Variants in ADGRL2 observed in about 807,000 individuals in gnomAD.
ADGRL2 encodes the protein adhesion G protein-coupled receptor L2.
In ADGRL2, 44 loss-of-function variants were observed where a neutral mutation model predicts 157.4. The observed-to-expected ratio is 0.28, with a 90% CI of 0.22 to 0.36. ADGRL2 has a LOEUF of 0.36. Ranked by LOEUF, ADGRL2 falls within the 10% of genes least tolerant of loss-of-function variation. ADGRL2 has a pLI of 1.00. For missense variants in ADGRL2, 1,510 were observed against 1,768.9 expected (o/e 0.85, Z 2.63); for synonymous variants, 585 against 624.7 (o/e 0.94, Z 0.95).
At chr1:81,981,625 G>C (rs990816457) in intron 18 of ADGRL2, among the ~76,000 whole-genome samples, 183 bp from the exon 19 acceptor site, 5 of 151,918 alleles carry the variant, frequency 3.3e-5, no homozygotes, top group Non-Finnish European at 5.9e-5. Flanking sequence ...GTTTTCACTG[G>C]AGGCTGCAGT....
intron 2 of ADGRL2, among the ~76,000 whole-genome samples, chr1:81,551,749 C>T (rs1036303335): frequency 6.6e-6 from 1 of 152,158 alleles, no homozygotes; most frequent in Admixed American, 6.5e-5. Flanking sequence ...TTGAGTATGA[C>T]TACCTCCTTT....
intron 1 of ADGRL2, among the ~76,000 whole-genome samples, chr1:81,808,871 A>G (rs921741821): frequency 1.3e-5 from 2 of 152,036 alleles, no homozygotes; most frequent in African/African-American, 2.4e-5. Flanking sequence ...AACAAGCACA[A>G]CCGCTACTCA....
intron 2 of ADGRL2, among the ~76,000 whole-genome samples, chr1:81,877,534 A>G (rs184650572): frequency 1.4e-3 from 220 of 152,246 alleles, no homozygotes; most frequent in Middle Eastern, 3.4e-3. Flanking sequence ...GAGGTTCTGG[A>G]GATATTCCAA....
intron 1 of ADGRL2, among the ~76,000 whole-genome samples, chr1:81,385,731 A>G (rs1175177964): frequency 6.6e-6 from 1 of 152,182 alleles, no homozygotes; most frequent in African/African-American, 2.4e-5. Context: ...ACTATGTGCT[A>G]TATTTCATTA....
At chr1:81,639,507 C>A (rs1570707010) in intron 3 of ADGRL2, among the ~76,000 whole-genome samples, 2 of 112,120 alleles carry the variant, frequency 1.8e-5, no homozygotes, top group Admixed American at 2.8e-4. Context: ...GTTTCAAGAT[C>A]AGTATGGCCA....
chr1:81,673,288 A>T (rs2082911920), intron 3 of ADGRL2, among the ~76,000 whole-genome samples: 1 of 152,096 alleles, frequency 6.6e-6, no homozygotes, highest in South Asian at 2.1e-4. Flanking sequence ...ATATACCCTC[A>T]TTCATACCTA....
intron 3 of ADGRL2, among the ~76,000 whole-genome samples, chr1:81,614,758 C>G (rs1440484771): frequency 2.0e-5 from 3 of 151,978 alleles, no homozygotes; most frequent in Non-Finnish European, 4.4e-5. Flanking sequence ...GGCTCAGTAG[C>G]TCACGCTTGT....
At chr1:81,610,202 G>A (rs1262528944) in intron 3 of ADGRL2, among the ~76,000 whole-genome samples, 4 of 145,040 alleles carry the variant, frequency 2.8e-5, no homozygotes, top group Admixed American at 6.9e-5. Flanking sequence ...TCCTATAAAG[G>A]AAACAAAACA....
At chr1:81,792,266 CTG>C in intron 2 of ADGRL2, among the ~76,000 whole-genome samples, 1 of 152,208 alleles carries the variant, frequency 6.6e-6, no homozygotes, top group Admixed American at 6.5e-5. Flanking sequence ...TTAAATTATC[CTG>C]TTGTGCCAAA....
At chr1:81,317,378 A>T (rs549434399) in intron 1 of ADGRL2, among the ~76,000 whole-genome samples, 21 of 152,110 alleles carry the variant, frequency 1.4e-4, no homozygotes, top group Admixed American at 5.9e-4. Context: ...CTCTCCAGGC[A>T]CTCATCACTT....
At chr1:81,410,321 T>G (rs1024007668) in intron 1 of ADGRL2, among the ~76,000 whole-genome samples, 2 of 152,226 alleles carry the variant, frequency 1.3e-5, no homozygotes, top group African/African-American at 4.8e-5. Flanking sequence ...AGGTTCTTCT[T>G]TAAAGGATGC....
rs189797978 is a variant in ADGRL2, at chr1:81,811,999, G to C, written c.-101+10931G>C. On this transcript the variant is annotated intron_variant, in intron 1 of 23. Transcript: ENST00000686636. Reference sequence around the variant, plus strand: ...ACTTTGTGAAAAGTTTGTGTATCCTGTCTGCTCAAGTTGCCATCTTAACCA... The same window carrying C: ...ACTTTGTGAAAAGTTTGTGTATCCTCTCTGCTCAAGTTGCCATCTTAACCA... Among the ~76,000 whole-genome samples the C allele has an allele frequency of 4.0e-5, 6 of 151,664 alleles. No individual in the cohort carries two copies. The East Asian group carries it at 9.7e-4, about 24-fold the overall frequency.
intron 2 of ADGRL2, among the ~76,000 whole-genome samples, chr1:81,530,115 C>A (rs2079563066): frequency 6.6e-6 from 1 of 152,130 alleles, no homozygotes; most frequent in Non-Finnish European, 1.5e-5. Context: ...ACTTATAGAT[C>A]ACTGATCATA....
At chr1:81,476,607 A>G (rs907330761) in intron 2 of ADGRL2, among the ~76,000 whole-genome samples, 1 of 151,856 alleles carries the variant, frequency 6.6e-6, no homozygotes, top group African/African-American at 2.4e-5. Context: ...TCCTTCTCCC[A>G]TTTTCCTGTC....
chr1:81,969,400 T>A lies in ADGRL2; in HGVS notation c.2733+13T>A. 6.4e-7 allele frequency: 1 copy of A among 1,565,530 alleles called. No homozygotes were observed. The highest frequency in any genetic ancestry group is 2.2e-5 in the East Asian group (1 of 44,614). ...GACAAAATATGCGGTAAGCACCAGT[T>A]GAGTTCATTGACCTTAGATCTCTGA... On this transcript the variant is annotated intron_variant, in intron 15 of 23. Transcript: ENST00000686636.
chr1:81,979,164 TTCCATCTTCCTCATTTTGCTTTTG>T (rs1351012459), intron 17 of ADGRL2, among the ~76,000 whole-genome samples: 1 of 151,764 alleles, frequency 6.6e-6, no homozygotes, highest in African/African-American at 2.4e-5. Context: ...TCTTGTCAGA[TTCCATCTTCCTCATTTTGCTTTTG>T]TTTGCACCTA....
chr1:81,464,998 C>T (rs1320008309), intron 2 of ADGRL2, among the ~76,000 whole-genome samples: 1 of 150,694 alleles, frequency 6.6e-6, no homozygotes, highest in Non-Finnish European at 1.5e-5. Context: ...CCACTAAGAA[C>T]CAGTCGCCCA....
rs183406279 is a variant in ADGRL2 at position 81,592,425 on chromosome 1, T to C, written c.-143+11445T>C. ...CATAGTTTGCTGACCCCTGATCTTA[T>C]CTTAACAATTTCCCTGCTATATGAT... On this transcript the variant is annotated intron_variant, in intron 3 of 24. Coordinates refer to the ADGRL2 transcript ENST00000370721. 8.5e-5 allele frequency among the ~76,000 whole-genome samples: 13 copies of C among 152,310 alleles called. No homozygotes were observed. In the East Asian group the frequency reaches 2.1e-3, roughly 25 times the overall value.
At chr1:81,780,290 C>T (rs1368849945) in intron 2 of ADGRL2, among the ~76,000 whole-genome samples, 1 of 151,988 alleles carries the variant, frequency 6.6e-6, no homozygotes, top group Admixed American at 6.6e-5. Flanking sequence ...CAGAACATTC[C>T]CCTTCAGTTT....
Sources: gnomAD v4.1 joint callset for allele counts (sites outside exome capture counted in the v4.1 genomes callset) on GRCh38, gnomAD v4.1.1 for gene constraint, MANE v1.5 for transcripts, NCBI Gene and HGNC (gene_info 2026-07-23, HGNC 2026-07-21) for gene names.